Variants in SRRM4 observed in about 807,000 individuals in gnomAD.
SRRM4 encodes serine/arginine repetitive matrix 4.
Under a neutral mutation model 68.9 loss-of-function variants are expected in SRRM4, and 33 were observed. That is an observed-to-expected ratio of 0.48 (90% CI 0.36 to 0.64). The LOEUF (loss-of-function observed/expected upper bound fraction) is 0.64, where lower values mean the gene tolerates loss of function less well. Among genes scored for constraint, SRRM4 ranks in the 30% least tolerant of loss-of-function variants. SRRM4 has a pLI of 0.00. For synonymous variants in SRRM4, 318 were observed against 318.8 expected, an observed-to-expected ratio of 1.00 and a Z score of 0.03; for missense variants, 817 against 827.1, an observed-to-expected ratio of 0.99 and a Z score of 0.15.
chr12:119,083,945 T>A lies in SRRM4; in HGVS notation c.132-18291T>A, dbSNP rs115655207. Among the ~76,000 whole-genome samples, 738 of 152,184 alleles carry A rather than the reference T, an allele frequency of 4.8e-3. 2 individuals are homozygous for A. The highest frequency in any genetic ancestry group is 0.015 in the African/African-American group (643 of 41,504). On this transcript the variant is annotated intron_variant, in intron 1 of 12. Transcript: ENST00000267260. ...AGAACAGCACAGACAAGACGTAGAA[T>A]TTGGGGTTATTTTTTATGTCCTGCA...
At chr12:119,139,798 T>C (rs1015957825) in intron 8 of SRRM4, among the ~76,000 whole-genome samples, 5 of 152,092 alleles carry the variant, frequency 3.3e-5, no homozygotes, top group African/African-American at 1.2e-4. Flanking sequence ...CAGAAAAAGG[T>C]GTACTATCTC....
intron 1 of SRRM4, among the ~76,000 whole-genome samples, chr12:118,999,864 AAATTTCCC>A (rs1164447984): frequency 9.9e-5 from 15 of 152,204 alleles, no homozygotes; most frequent in Non-Finnish European, 2.2e-4. Flanking sequence ...ACAGTGTTTT[AAATTTCCC>A]AAACACTTTA....
chr12:119,027,913 A>G (rs1953559383), intron 1 of SRRM4, among the ~76,000 whole-genome samples: 1 of 152,230 alleles, frequency 6.6e-6, no homozygotes, highest in Non-Finnish European at 1.5e-5. Context: ...ATAGAGATTA[A>G]TTAATGCAAG....
intron 1 of SRRM4, among the ~76,000 whole-genome samples, chr12:119,005,020 A>G (rs1376248960): frequency 6.6e-6 from 1 of 152,250 alleles, no homozygotes; most frequent in Non-Finnish European, 1.5e-5. Flanking sequence ...CTGTGGCTTC[A>G]GATTTCGGTG....
chr12:119,154,720 G>C lies in SRRM4; in HGVS notation c.1532+337G>C, dbSNP rs1265719996. Among the ~76,000 whole-genome samples, 1 of 152,180 alleles carries C rather than the reference G, an allele frequency of 6.6e-6. No homozygotes were observed. Among genetic ancestry groups the C allele is most frequent in the Non-Finnish European group, 1.5e-5 (1 of 68,040 alleles). On this transcript the variant is annotated intron_variant, in intron 12 of 12. Transcript: ENST00000267260. This position sits in a 1 kb window ranked among gnomAD's most constrained non-coding sequence, Gnocchi z 4.7. ...AGGCGGAGCTGGGGGAGAGAGTGGC[G>C]TCAGGCCAGGGAATGGAGGCCAAAG...
intron 1 of SRRM4, among the ~76,000 whole-genome samples, chr12:119,059,385 G>A (rs1022123905): frequency 6.6e-6 from 1 of 152,172 alleles, no homozygotes; most frequent in Non-Finnish European, 1.5e-5. Flanking sequence ...ATGTAGTGGG[G>A]TTACAGAAAA....
chr12:119,047,649 G>T (rs1299780959), intron 1 of SRRM4, among the ~76,000 whole-genome samples: 1 of 152,188 alleles, frequency 6.6e-6, no homozygotes, highest in African/African-American at 2.4e-5. Context: ...CTTGGGTTTA[G>T]ATCTGTTTCA....
Position 119,119,991 on chromosome 12 carries a change from G to A in SRRM4, c.438-259G>A, listed in dbSNP as rs80302296. ...ATAGTCTCTGAAATCTAAGAGAGGA[G>A]GAGGATTAGCTAGGTGTCCCGACCC... On this transcript the variant is annotated intron_variant, in intron 4 of 12. Coordinates refer to ENST00000267260, the MANE Select transcript of SRRM4 (RefSeq NM_194286.4). Among the ~76,000 whole-genome samples the A allele has an allele frequency of 7.4e-3, 1,128 of 152,062 alleles. 21 individuals carry two copies. The highest frequency in any genetic ancestry group is 0.026 in the African/African-American group (1,068 of 41,472).
intron 1 of SRRM4, among the ~76,000 whole-genome samples, chr12:119,098,519 G>A (rs1954058732): frequency 6.6e-6 from 1 of 152,210 alleles, no homozygotes; most frequent in Non-Finnish European, 1.5e-5. Flanking sequence ...ATTGCCTGAT[G>A]TTCACTAAGC....
chr12:119,091,732 T>C (rs749689559), intron 1 of SRRM4, among the ~76,000 whole-genome samples: 2 of 152,172 alleles, frequency 1.3e-5, no homozygotes, highest in Non-Finnish European at 2.9e-5. Context: ...ATGGGTCTAC[T>C]CACTATGCAC....
At chr12:119,120,169 A>C (rs1361619754) in intron 4 of SRRM4, 81 bp from the exon 5 acceptor site, 587 of 778,446 alleles carry the variant, frequency 7.5e-4, no homozygotes, top group African/African-American at 1.5e-3. Context: ...CCCTCTCTCC[A>C]TCTCTCTCTC....
rs1953247803 is a variant in SRRM4 at position 118,981,685 on chromosome 12, A to G, written c.-198A>G. 1 of 598,360 alleles carries G rather than the reference A, an allele frequency of 1.7e-6. No individual in the cohort carries two copies. The highest frequency in any genetic ancestry group is 2.9e-6 in the Non-Finnish European group (1 of 348,412). The allele number at this position is 598,360 out of a possible 1,614,324, so 37.1% of individuals were successfully genotyped here. ...CGACCCAGAAGGGCGAAGAAAGCCC[A>G]GCGGACGAGCCTCCTTTCTCTGCTG... On this transcript the variant is annotated 5_prime_UTR_variant, in exon 1 of 13. Transcript: ENST00000267260.
chr12:118,989,148 A>T (rs1953300553), intron 1 of SRRM4, among the ~76,000 whole-genome samples: 1 of 151,788 alleles, frequency 6.6e-6, no homozygotes, highest in Non-Finnish European at 1.5e-5. Context: ...AGGTGGTCCC[A>T]GGAGGGTTCT....
chr12:119,068,641 A>G (rs911579202), intron 1 of SRRM4, among the ~76,000 whole-genome samples: 2 of 152,044 alleles, frequency 1.3e-5, no homozygotes, highest in East Asian at 3.9e-4. Flanking sequence ...ACCCCTGGGC[A>G]CGGGAATCCA....
intron 1 of SRRM4, among the ~76,000 whole-genome samples, chr12:119,097,669 T>C (rs1461429183): frequency 6.6e-6 from 1 of 152,218 alleles, no homozygotes; most frequent in African/African-American, 2.4e-5. Flanking sequence ...CCATTGTGTC[T>C]TTCCTCACCA....
chr12:119,069,129 A>T (rs987709996), intron 1 of SRRM4, among the ~76,000 whole-genome samples: 1 of 152,224 alleles, frequency 6.6e-6, no homozygotes, highest in African/African-American at 2.4e-5. Flanking sequence ...AGGCAAAAAT[A>T]GAAACGGGAG....
At chr12:119,129,123 G>A (rs543364183) in intron 7 of SRRM4, among the ~76,000 whole-genome samples, 204 of 152,342 alleles carry the variant, frequency 1.3e-3, no homozygotes, top group Non-Finnish European at 2.4e-3. Context: ...TTGACCTCAG[G>A]AAGATCCCTA....
At chr12:119,015,812 CT>C (rs1427995626) in intron 1 of SRRM4, among the ~76,000 whole-genome samples, 3 of 152,074 alleles carry the variant, frequency 2.0e-5, no homozygotes, top group African/African-American at 7.2e-5. Flanking sequence ...GTCCTTCCCC[CT>C]GATTTCTGCA....
chr12:119,038,802 C>A (rs1310733037), intron 1 of SRRM4, among the ~76,000 whole-genome samples: 2 of 152,270 alleles, frequency 1.3e-5, no homozygotes, highest in East Asian at 3.9e-4. Flanking sequence ...CCAGTTAGAT[C>A]CGACGTGTTA....
Sources: gnomAD v4.1 joint callset for allele counts (sites outside exome capture counted in the v4.1 genomes callset) on GRCh38, gnomAD v4.1.1 for gene constraint, Gnocchi (gnomAD v3.1) non-coding constraint, MANE v1.5 for transcripts, NCBI Gene and HGNC (gene_info 2026-07-23, HGNC 2026-07-21) for gene names.